The following MYO3B variants were observed in gnomAD, a reference collection of about 807,000 sequenced individuals.
The protein encoded by MYO3B is myosin-IIIb.
A neutral mutation model predicts 174.6 loss-of-function variants in MYO3B; 156 were observed. The observed-to-expected ratio is 0.89, with a 90% CI of 0.78 to 1.02. The LOEUF (loss-of-function observed/expected upper bound fraction) is 1.02, where lower values mean the gene tolerates loss of function less well. Ranked by LOEUF, MYO3B falls within the 50% of genes least tolerant of loss-of-function variation. The pLI is 0.00. For synonymous variants in MYO3B, 563 were observed against 569.1 expected (o/e 0.99, Z 0.15); for missense variants, 1,632 against 1,639.4 (o/e 1.00, Z 0.08).
intron 22 of MYO3B, among the ~76,000 whole-genome samples, chr2:170,438,796 G>A (rs2094776432): frequency 6.6e-6 from 1 of 151,870 alleles, no homozygotes; most frequent in Non-Finnish European, 1.5e-5. Flanking sequence ...CACCATGTCT[G>A]GCTAACTTTT....
At chr2:170,460,804 C>T (rs1276720161) in intron 23 of MYO3B, among the ~76,000 whole-genome samples, 8 of 152,178 alleles carry the variant, frequency 5.3e-5, no homozygotes, top group African/African-American at 1.7e-4. Context: ...CTGTAGGGAA[C>T]TGGTGCTGAT....
rs1461185926 is a variant in MYO3B at position 170,407,772 on chromosome 2, G to A, written c.2578G>A (p.Val860Met). Residue 860 changes from valine to methionine, a missense_variant, in exon 22 of 35, where the codon GTG becomes ATG. Val to Met is a conservative substitution (Grantham distance 21, BLOSUM62 1). Transcript: ENST00000408978. ...EKNRDTLPADVVVVLRTSENK... is the reference protein window; with the variant it reads ...EKNRDTLPADMVVVLRTSENK... ...AAATAGAGACACTCTCCCTGCCGAT[G>A]TGGTTGTGGTCCTGAGAACGTCAGA... 2 of 1,614,042 alleles carry A rather than the reference G, an allele frequency of 1.2e-6. No individual in the cohort carries two copies. Among genetic ancestry groups the A allele is most frequent in the Non-Finnish European group, 1.7e-6 (2 of 1,179,996 alleles).
At chr2:170,624,600 A>G (rs888224091) in intron 32 of MYO3B, among the ~76,000 whole-genome samples, 5 of 152,012 alleles carry the variant, frequency 3.3e-5, no homozygotes, top group African/African-American at 4.8e-5. Context: ...TTCCAACACT[A>G]TGTTGGATAG....
At chr2:170,288,968 G>C (rs2093576697) in intron 7 of MYO3B, among the ~76,000 whole-genome samples, 1 of 152,046 alleles carries the variant, frequency 6.6e-6, no homozygotes, top group Non-Finnish European at 1.5e-5. Flanking sequence ...GAAACAATCA[G>C]TTGGTTTTTG....
chr2:170,547,323 CTG>C (rs529709470), intron 32 of MYO3B, among the ~76,000 whole-genome samples: 2,095 of 149,156 alleles, frequency 0.014, 18 homozygotes, highest in Non-Finnish European at 0.023. Context: ...GAGCAAGACT[CTG>C]TCTCAAAAAA....
At chr2:170,555,660 C>A (rs534649992) in intron 32 of MYO3B, among the ~76,000 whole-genome samples, 11 of 150,930 alleles carry the variant, frequency 7.3e-5, no homozygotes, top group Admixed American at 7.3e-4. Flanking sequence ...TTGCCTGAGG[C>A]CAAGAGTTTA....
intron 29 of MYO3B, among the ~76,000 whole-genome samples, chr2:170,519,134 T>C (rs1688497909): frequency 6.6e-6 from 1 of 152,172 alleles, no homozygotes; most frequent in African/African-American, 2.4e-5. Flanking sequence ...GTATACTGCT[T>C]CTACCGGGAC....
chr2:170,224,953 G>C (rs1401696847), intron 6 of MYO3B, among the ~76,000 whole-genome samples: 1 of 152,168 alleles, frequency 6.6e-6, no homozygotes, highest in East Asian at 1.9e-4. Context: ...CCTAGTAAAT[G>C]ATACGATAAT....
intron 9 of MYO3B, among the ~76,000 whole-genome samples, chr2:170,381,113 C>T (rs188058973): frequency 6.6e-6 from 1 of 152,074 alleles, no homozygotes; most frequent in East Asian, 1.9e-4. Context: ...GAGCAAGACC[C>T]CATCTCTAAA....
At chr2:170,487,957 G>A (rs1245701437) in intron 25 of MYO3B, among the ~76,000 whole-genome samples, 1 of 152,130 alleles carries the variant, frequency 6.6e-6, no homozygotes, top group Non-Finnish European at 1.5e-5. Flanking sequence ...AAAAAATAGA[G>A]AAATAAAATT....
At chr2:170,621,994 A>T (rs1695961981) in intron 32 of MYO3B, among the ~76,000 whole-genome samples, 1 of 152,206 alleles carries the variant, frequency 6.6e-6, no homozygotes, top group African/African-American at 2.4e-5. Context: ...ACCCTCAGGA[A>T]GTAATCTTGC....
At chr2:170,590,059 A>G (rs1693727951) in intron 32 of MYO3B, among the ~76,000 whole-genome samples, 1 of 152,238 alleles carries the variant, frequency 6.6e-6, no homozygotes, top group South Asian at 2.1e-4. Context: ...AGTAGGCTGT[A>G]CTGTCTAGGT....
At chr2:170,425,414 C>A (rs1256224262) in intron 22 of MYO3B, among the ~76,000 whole-genome samples, 1 of 152,166 alleles carries the variant, frequency 6.6e-6, no homozygotes, top group African/African-American at 2.4e-5. Context: ...CATCAGTAAA[C>A]TAAATTAAAT....
chr2:170,242,759 G>C (rs1202106599), intron 7 of MYO3B, among the ~76,000 whole-genome samples: 1 of 152,080 alleles, frequency 6.6e-6, no homozygotes, highest in Non-Finnish European at 1.5e-5. Flanking sequence ...CATTACCCTG[G>C]TATATTATTT....
chr2:170,409,102 A>G (rs1024485791), intron 22 of MYO3B, among the ~76,000 whole-genome samples: 1 of 152,252 alleles, frequency 6.6e-6, no homozygotes, highest in Non-Finnish European at 1.5e-5. Flanking sequence ...ATCTATCCAA[A>G]TAACTCTTCA....
At chr2:170,291,713 G>GTT (rs71006079) in intron 7 of MYO3B, among the ~76,000 whole-genome samples, 90 of 150,156 alleles carry the variant, frequency 6.0e-4, no homozygotes, top group East Asian at 2.9e-3. Context: ...TGGATGACAG[G>GTT]TTTTTTTTAT....
rs77316550 is a variant in MYO3B, at chr2:170,533,374, C to T, written c.3576-9532C>T. 3.0e-3 allele frequency among the ~76,000 whole-genome samples: 434 copies of T among 146,828 alleles called. 4 individuals are homozygous for T. Among genetic ancestry groups the T allele is most frequent in the African/African-American group, 0.01 (404 of 39,784 alleles). Reference sequence around the variant, plus strand: ...TTCTCCTTCCCTGGACTAAGTACTACTTTCAGAATTAAAAGAGGAAAACTG... The same window carrying T: ...TTCTCCTTCCCTGGACTAAGTACTATTTTCAGAATTAAAAGAGGAAAACTG... On this transcript the variant is annotated intron_variant, in intron 30 of 34. Coordinates refer to ENST00000408978, the MANE Select transcript of MYO3B (RefSeq NM_138995.5).
intron 30 of MYO3B, among the ~76,000 whole-genome samples, chr2:170,520,878 G>A (rs1477869469): frequency 2.6e-5 from 4 of 152,098 alleles, no homozygotes; most frequent in Non-Finnish European, 5.9e-5. Context: ...AACCCATCAT[G>A]TATGTCACCA....
chr2:170,219,783 T>C lies in MYO3B; in HGVS notation c.603+2388T>C, dbSNP rs145928263. Among the ~76,000 whole-genome samples the C allele has an allele frequency of 7.9e-4, 121 of 152,350 alleles. 4 individuals are homozygous for C. In the East Asian group the frequency reaches 0.022, roughly 27 times the overall value. On this transcript the variant is annotated intron_variant, in intron 6 of 34. Transcript: ENST00000408978. ...GCAAATTTGTCTGTAGATTTAGATC[T>C]GTTCTGAAAGGAAAGCATAACTAAG...
Sources: gnomAD v4.1 joint callset for allele counts (sites outside exome capture counted in the v4.1 genomes callset) on GRCh38, gnomAD v4.1.1 for gene constraint, MANE v1.5 for transcripts, NCBI Gene and HGNC (gene_info 2026-07-23, HGNC 2026-07-21) for gene names.